GABRG3: variants seen among roughly 807,000 people sequenced by gnomAD.
GABRG3 encodes gamma-aminobutyric acid type A receptor subunit gamma3.
GABRG3 carries 25 observed loss-of-function variants against 48.8 expected under a neutral mutation model. The ratio of observed to expected loss-of-function variants is 0.51; its 90% CI spans 0.37 to 0.72. The LOEUF (loss-of-function observed/expected upper bound fraction) is 0.72, where lower values mean the gene tolerates loss of function less well. Among genes scored for constraint, GABRG3 ranks in the 30% least tolerant of loss-of-function variants. GABRG3 has a pLI of 0.00. For missense variants in GABRG3, 394 were observed against 577.9 expected (o/e 0.68, Z 3.26); for synonymous variants, 227 against 217.6 (o/e 1.04, Z -0.38).
At chr15:27,220,857 G>GA (rs1215215965) in intron 3 of GABRG3, among the ~76,000 whole-genome samples, 1 of 152,070 alleles carries the variant, frequency 6.6e-6, no homozygotes, top group Non-Finnish European at 1.5e-5. Flanking sequence ...CCCTAAGGGG[G>GA]ATCTCTGCCC....
chr15:27,462,535 T>C (rs1050523561), intron 5 of GABRG3, among the ~76,000 whole-genome samples: 15 of 152,244 alleles, frequency 9.9e-5, no homozygotes, highest in Admixed American at 3.3e-4. Context: ...CCTAGTCTTA[T>C]ATATAGTATT....
At chr15:27,426,056 A>C (rs1299427839) in intron 5 of GABRG3, among the ~76,000 whole-genome samples, 1 of 152,186 alleles carries the variant, frequency 6.6e-6, no homozygotes, top group African/African-American at 2.4e-5. Context: ...TGAATACTGA[A>C]TTCAAATACT....
At chr15:27,311,210 G>C (rs1892980352) in intron 3 of GABRG3, among the ~76,000 whole-genome samples, 1 of 152,148 alleles carries the variant, frequency 6.6e-6, no homozygotes, top group Non-Finnish European at 1.5e-5. Flanking sequence ...GCAGAAACTA[G>C]CTGAGAGGCT....
rs1889314281 is a variant in GABRG3 at position 27,457,347 on chromosome 15, TTTG to T, written c.575-23300_575-23298del. 6.6e-6 allele frequency among the ~76,000 whole-genome samples: 1 copy of T among 152,186 alleles called. No individual in the cohort carries two copies. On this transcript the variant is annotated intron_variant, in intron 5 of 9. Transcript: ENST00000615808. This position sits in a 1 kb window ranked among gnomAD's most constrained non-coding sequence, Gnocchi z 4.4. The stretch of plus-strand genomic sequence containing the variant: ...CTAAGTCCTTGCTAGCATTTGACGT[TTTG>T]TTTTTTGCGTTTGTAGAAACATCAC...
intron 3 of GABRG3, among the ~76,000 whole-genome samples, chr15:27,199,076 A>C (rs968031886): frequency 2.6e-5 from 4 of 152,146 alleles, no homozygotes; most frequent in Admixed American, 2.6e-4. Context: ...GCAAACCACC[A>C]TGGCATATGT....
intron 5 of GABRG3, among the ~76,000 whole-genome samples, chr15:27,358,537 T>C (rs1894917047): frequency 6.6e-6 from 1 of 151,900 alleles, no homozygotes; most frequent in South Asian, 2.1e-4. Context: ...ACACACTGCT[T>C]GCCAACGTAG....
chr15:27,218,374 T>C (rs1470952657), intron 3 of GABRG3, among the ~76,000 whole-genome samples: 7 of 152,174 alleles, frequency 4.6e-5, no homozygotes, highest in African/African-American at 1.7e-4. Context: ...TTTCTCAGAA[T>C]TTTATGCTCT....
intron 3 of GABRG3, among the ~76,000 whole-genome samples, chr15:27,027,434 C>G (rs556220353): frequency 1.4e-3 from 216 of 152,320 alleles, no homozygotes; most frequent in Non-Finnish European, 2.0e-3. Context: ...GAGCTCCCCC[C>G]GCCTGCGGAG....
chr15:27,072,565 T>C (rs8036266), intron 3 of GABRG3, among the ~76,000 whole-genome samples: 31,386 of 152,084 alleles, frequency 0.21, 3,399 homozygotes, highest in Middle Eastern at 0.27. Flanking sequence ...GAGGGTACAA[T>C]GACTCAAATG....
At position 26,982,377 on chromosome 15, in the gene GABRG3, A is replaced by T. The variant is rs532206470; in HGVS notation, c.202+5227A>T. ...CTTCCTCATGGTGTCACTGGGCACCACATGGATCCCCTGAGGTAGAAAATT... is the reference window on the plus strand; with the variant it reads ...CTTCCTCATGGTGTCACTGGGCACCTCATGGATCCCCTGAGGTAGAAAATT... On this transcript the variant is annotated intron_variant, in intron 2 of 9. Coordinates refer to ENST00000615808, the MANE Select transcript of GABRG3 (RefSeq NM_033223.5). Among the ~76,000 whole-genome samples, 11 of 152,336 alleles carry T rather than the reference A, an allele frequency of 7.2e-5. No individual in the cohort carries two copies. In the South Asian group the frequency reaches 2.3e-3, roughly 32 times the overall value.
chr15:27,307,231 A>G (rs557012368), intron 3 of GABRG3, among the ~76,000 whole-genome samples: 1 of 124,496 alleles, frequency 8.0e-6, no homozygotes, highest in Non-Finnish European at 1.8e-5. Context: ...CCATGTTTAT[A>G]TTATATGTTT....
chr15:27,438,253 C>T lies in GABRG3; in HGVS notation c.575-42397C>T, dbSNP rs114190443. 3.7e-3 allele frequency among the ~76,000 whole-genome samples: 556 copies of T among 152,268 alleles called. 8 individuals are homozygous for T. The highest frequency in any genetic ancestry group is 0.013 in the African/African-American group (550 of 41,554). On this transcript the variant is annotated intron_variant, in intron 5 of 9. Coordinates refer to ENST00000615808, the MANE Select transcript of GABRG3 (RefSeq NM_033223.5). ...TAACTGGCACTGGAATTTTTTACTT[C>T]TAATAAATTTATCATTCACCAGAGA...
intron 3 of GABRG3, among the ~76,000 whole-genome samples, chr15:27,305,519 TATATA>T (rs955108435): frequency 1.4e-5 from 2 of 146,082 alleles, no homozygotes; most frequent in African/African-American, 5.0e-5. Context: ...TATAAACATA[TATATA>T]ATATAAACCT....
At chr15:27,056,550 G>A (rs1255482643) in intron 3 of GABRG3, among the ~76,000 whole-genome samples, 1 of 152,044 alleles carries the variant, frequency 6.6e-6, no homozygotes, top group African/African-American at 2.4e-5. Context: ...AAAGTGAGAA[G>A]TGTTGTCCAG....
At chr15:27,125,683 A>G (rs762391206) in intron 3 of GABRG3, among the ~76,000 whole-genome samples, 7 of 152,256 alleles carry the variant, frequency 4.6e-5, no homozygotes, top group Non-Finnish European at 7.3e-5. Flanking sequence ...TTTGTTCGAT[A>G]TTAGCATTAG....
intron 3 of GABRG3, among the ~76,000 whole-genome samples, chr15:27,112,580 A>G (rs906220639): frequency 6.6e-6 from 1 of 151,668 alleles, no homozygotes; most frequent in Non-Finnish European, 1.5e-5. Flanking sequence ...AGCTGGGACT[A>G]CTGGTGCCCC....
chr15:27,393,652 C>T (rs1887215705), intron 5 of GABRG3, among the ~76,000 whole-genome samples: 1 of 152,174 alleles, frequency 6.6e-6, no homozygotes, highest in Non-Finnish European at 1.5e-5. Flanking sequence ...CACCCACTTG[C>T]TTAATTTTTT....
At chr15:27,388,772 G>T (rs1344189049) in intron 5 of GABRG3, among the ~76,000 whole-genome samples, 1 of 152,062 alleles carries the variant, frequency 6.6e-6, no homozygotes, top group African/African-American at 2.4e-5. Context: ...CCAAGAAACA[G>T]ATCAATGCAC....
At chr15:27,108,274 T>C (rs915734427) in intron 3 of GABRG3, among the ~76,000 whole-genome samples, 1 of 152,224 alleles carries the variant, frequency 6.6e-6, no homozygotes, top group Non-Finnish European at 1.5e-5. Context: ...TCAAATTATT[T>C]TAAATTCCTC....
Sources: allele counts gnomAD v4.1 joint callset (sites outside exome capture counted in the v4.1 genomes callset), GRCh38; gene constraint gnomAD v4.1.1; non-coding constraint Gnocchi (gnomAD v3.1); transcripts MANE v1.5; gene names NCBI Gene and HGNC (gene_info 2026-07-23, HGNC 2026-07-21).